The following RNF19B variants were observed in gnomAD, a reference collection of about 807,000 sequenced individuals.
The protein encoded by RNF19B is E3 ubiquitin-protein ligase RNF19B.
Under a neutral mutation model 65.5 loss-of-function variants are expected in RNF19B, and 23 were observed. That is an observed-to-expected ratio of 0.35 (90% CI 0.25 to 0.50). The LOEUF (loss-of-function observed/expected upper bound fraction) is 0.50. RNF19B is among the 20% of genes least tolerant of loss of function. RNF19B has a pLI of 0.98. For synonymous variants in RNF19B, 372 were observed against 379.6 expected (o/e 0.98, Z 0.23); for missense variants, 794 against 980.0 (o/e 0.81, Z 2.53).
In RNF19B at chr1:32,964,188, G is replaced by A; in HGVS notation, c.498C>T (p.Cys166=). The A allele has an allele frequency of 6.5e-7, 1 of 1,546,468 alleles. No individual in the cohort carries two copies. The highest frequency in any genetic ancestry group is 2.0e-5 in the Admixed American group (1 of 50,684). ...ESRVPISCPE[C]SERLNPHDIR... ...TGTCGTGCGGGTTGAGTCGCTCGCT[G>A]CACTCGGGGCAGCTGATGGGCACCC... Residue 166 remains cysteine, a synonymous_variant, in exon 1 of 9, where the codon TGC becomes TGT. Transcript: ENST00000235150. This position sits in a 1 kb window ranked among gnomAD's most constrained non-coding sequence, Gnocchi z 6.5.
chr1:32,932,300 C>T (rs1642037285), downstream of RNF19B, among the ~76,000 whole-genome samples: 1 of 152,160 alleles, frequency 6.6e-6, no homozygotes, highest in African/African-American at 2.4e-5. Flanking sequence ...GATCCAGACA[C>T]CCTTCAACAC....
downstream of RNF19B, among the ~76,000 whole-genome samples, chr1:32,936,133 A>T (rs532241291): frequency 6.6e-6 from 1 of 152,350 alleles, no homozygotes; most frequent in South Asian, 2.1e-4. Flanking sequence ...ATAATGCAGA[A>T]AAGGGCAAAG....
At chr1:32,955,922 T>A (rs570812573) in intron 1 of RNF19B, among the ~76,000 whole-genome samples, 17 of 152,170 alleles carry the variant, frequency 1.1e-4, no homozygotes, top group African/African-American at 3.9e-4. Context: ...GTGTAGAAAA[T>A]TACATGCTGT....
intron 6 of RNF19B, among the ~76,000 whole-genome samples, chr1:32,943,171 C>G (rs1642280097): frequency 6.6e-6 from 1 of 151,524 alleles, no homozygotes; most frequent in Admixed American, 6.6e-5. Context: ...AAAAAGGAAG[C>G]TAGAAAAACC....
downstream of RNF19B, among the ~76,000 whole-genome samples, chr1:32,933,514 C>G (rs1260552814): frequency 1.3e-5 from 2 of 152,174 alleles, no homozygotes; most frequent in Non-Finnish European, 2.9e-5. Context: ...CTCAGCCTCC[C>G]AAAGTGCTGG....
At chr1:32,959,621 G>C (rs1434300592) in intron 1 of RNF19B, among the ~76,000 whole-genome samples, 2 of 152,060 alleles carry the variant, frequency 1.3e-5, no homozygotes, top group Non-Finnish European at 2.9e-5. Flanking sequence ...GTCTGAATGA[G>C]ATTATAGTCT....
At position 32,957,833 on chromosome 1, in the gene RNF19B, CA is replaced by C. The variant is rs531588390; in HGVS notation, c.635+6217del. Among the ~76,000 whole-genome samples the C allele has an allele frequency of 1.2e-4, 18 of 151,986 alleles. No individual in the cohort carries two copies. In the South Asian group the frequency reaches 3.7e-3, roughly 32 times the overall value. On this transcript the variant is annotated intron_variant, in intron 1 of 8. Transcript: ENST00000235150. ...TGGGCGACAAAGCGAGACTCCATCT[CA>C]AAAAAAAGTTGTCTGTTGAATTGAA...
chr1:32,939,934 G>T lies in RNF19B; in HGVS notation c.1611-1406C>A, dbSNP rs370693364. ...AGCACAGCAGTGAATATGCCAGCAT[G>T]TGGGGGCGGGATCCCCTGATAAGAG... On this transcript the variant is annotated intron_variant, in intron 7 of 8. Coordinates refer to ENST00000235150, the MANE Select transcript of RNF19B (RefSeq NM_001300826.2). 2.1e-4 allele frequency among the ~76,000 whole-genome samples: 32 copies of T among 152,342 alleles called. No individual in the cohort carries two copies. The South Asian group carries it at 6.4e-3, about 31-fold the overall frequency.
the RNF19B span, among the ~76,000 whole-genome samples, chr1:32,929,420 G>A: frequency 2.0e-5 from 3 of 152,116 alleles, no homozygotes; most frequent in Admixed American, 2.0e-4. Flanking sequence ...ATTTTTGGTG[G>A]AAGGGACACA....
At chr1:32,933,720 C>T (rs998163949), downstream of RNF19B, among the ~76,000 whole-genome samples, 4 of 152,160 alleles carry the variant, frequency 2.6e-5, no homozygotes, top group Non-Finnish European at 5.9e-5. Flanking sequence ...TCTAAAATCT[C>T]CTTTAACTCA....
intron 8 of RNF19B, among the ~76,000 whole-genome samples, chr1:32,938,140 C>CAAAAAAAAAAAAAAAAAAAAAAAAA (rs80176999): frequency 8.7e-5 from 4 of 46,042 alleles, no homozygotes; most frequent in African/African-American, 2.6e-4. Flanking sequence ...CCAAGAAAGA[C>CAAAAAAAAAAAAAAAAAAAAAAAAA]AAAAAAAAAA....
rs540477694 is a variant in RNF19B at position 32,952,666 on chromosome 1, C to T, written c.636-2892G>A. On this transcript the variant is annotated intron_variant, in intron 1 of 8. Coordinates refer to ENST00000235150, the MANE Select transcript of RNF19B (RefSeq NM_001300826.2). ...CTGAGGGAGGAGAATCGCTTGAACC[C>T]GGGAGGTGGAGGTTGCAGTGAGCAG... 2.7e-4 allele frequency among the ~76,000 whole-genome samples: 41 copies of T among 151,332 alleles called. 1 individual carries two copies. Among genetic ancestry groups the T allele is most frequent in the Admixed American group, 1.3e-3 (20 of 15,118 alleles).
At chr1:32,946,753 T>C (rs943044361) in intron 3 of RNF19B, among the ~76,000 whole-genome samples, 189 bp from the exon 4 acceptor site, 2 of 152,236 alleles carry the variant, frequency 1.3e-5, no homozygotes, top group African/African-American at 4.8e-5. Context: ...TCTTTAACTT[T>C]TTTGGTTGTT....
In RNF19B at chr1:32,936,939, C is replaced by A. The variant is rs199935869; in HGVS notation, c.2063G>T (p.Arg688Leu). ...DITSDECGSPRSHTAACPSTP... is the reference protein window; with the variant it reads ...DITSDECGSPLSHTAACPSTP... ...CGAGGGGCAGGCTGCAGTATGGGAGCGGGGGGAGCCACACTCATCTGAGGT... is the reference window on the plus strand; with the variant it reads ...CGAGGGGCAGGCTGCAGTATGGGAGAGGGGGGAGCCACACTCATCTGAGGT... Residue 688 changes from arginine to leucine, a missense_variant, in exon 9 of 9, where the codon CGC becomes CTC. Arg to Leu is a moderately radical substitution (Grantham distance 102). Coordinates refer to ENST00000235150, the MANE Select transcript of RNF19B (RefSeq NM_001300826.2). The A allele has an allele frequency of 1.2e-6, 2 of 1,613,774 alleles. No individual in the cohort carries two copies. The highest frequency in any genetic ancestry group is 8.5e-7 in the Non-Finnish European group (1 of 1,179,964).
chr1:32,934,136 A>T (rs1025999276), downstream of RNF19B, among the ~76,000 whole-genome samples: 1 of 152,232 alleles, frequency 6.6e-6, no homozygotes. Flanking sequence ...AAGTCCACTA[A>T]CAGCATTTCC....
intron 1 of RNF19B, among the ~76,000 whole-genome samples, chr1:32,953,177 T>C (rs1028969325): frequency 5.9e-5 from 9 of 151,796 alleles, no homozygotes; most frequent in African/African-American, 2.2e-4. Context: ...TCTTGCTATG[T>C]TGCCCAGGCT....
the RNF19B span, among the ~76,000 whole-genome samples, chr1:32,930,451 G>A: frequency 0.013 from 1,922 of 151,650 alleles, 36 homozygotes; most frequent in African/African-American, 0.044. Context: ...TGTTGCCCAG[G>A]CTGGAGTGCA....
chr1:32,964,445 G>A lies in RNF19B; in HGVS notation c.241C>T (p.Pro81Ser). The change falls in exon 1 of 9, where the codon CCC (proline) becomes TCC (serine). Residue 81 changes from proline to serine, a missense_variant. Physicochemically the swap from Pro to Ser is moderately conservative, Grantham distance 74. Transcript: ENST00000235150. This position sits in a 1 kb window ranked among gnomAD's most constrained non-coding sequence, Gnocchi z 6.5. ...TCGGCCTCGGCGGCCGGCTCGGCGG[G>A]CAGCGCCTCGGGCGGCGGGCCCTGG... ...AAQGPPPEAL[P>S]AEPAAEAEAE... 9.4e-7 allele frequency: 1 copy of A among 1,064,428 alleles called. No homozygotes were observed. The highest frequency in any genetic ancestry group is 1.1e-6 in the Non-Finnish European group (1 of 882,236). The allele number at this position is 1,064,428 out of a possible 1,614,324, so 65.9% of individuals were successfully genotyped here.
intron 1 of RNF19B, among the ~76,000 whole-genome samples, chr1:32,952,048 C>T (rs1642513626): frequency 6.8e-6 from 1 of 147,430 alleles, no homozygotes; most frequent in South Asian, 2.1e-4. Context: ...ATTTGCCTGT[C>T]TTGGCTTCTC....
Sources: allele counts gnomAD v4.1 joint callset (sites outside exome capture counted in the v4.1 genomes callset), GRCh38; gene constraint gnomAD v4.1.1; non-coding constraint Gnocchi (gnomAD v3.1); transcripts MANE v1.5; gene names NCBI Gene and HGNC (gene_info 2026-07-23, HGNC 2026-07-21).